PPARGC1A: variants seen among roughly 807,000 people sequenced by gnomAD.
PPARGC1A encodes the protein peroxisome proliferator-activated receptor gamma coactivator 1-alpha.
Under a neutral mutation model 88.7 loss-of-function variants are expected in PPARGC1A, and 25 were observed. That is an observed-to-expected ratio of 0.28 (90% CI 0.21 to 0.39). The LOEUF (loss-of-function observed/expected upper bound fraction) is 0.39. Among genes scored for constraint, PPARGC1A ranks in the 10% least tolerant of loss-of-function variants. PPARGC1A has a pLI of 1.00. For missense variants in PPARGC1A, 880 were observed against 968.7 expected (o/e 0.91, Z 1.22); for synonymous variants, 363 against 355.6 (o/e 1.02, Z -0.24).
At chr4:24,149,930 G>C in the PPARGC1A span, among the ~76,000 whole-genome samples, 1 of 152,118 alleles carries the variant, frequency 6.6e-6, no homozygotes, top group African/African-American at 2.4e-5. Context: ...ATCTGGAATA[G>C]GATAAACAAC....
chr4:24,387,635 G>C, the PPARGC1A span, among the ~76,000 whole-genome samples: 1 of 151,810 alleles, frequency 6.6e-6, no homozygotes, highest in African/African-American at 2.4e-5. Flanking sequence ...TACACAGGAG[G>C]CTGAGGCAGG....
the PPARGC1A span, among the ~76,000 whole-genome samples, chr4:24,401,058 G>A: frequency 1.8e-4 from 21 of 117,358 alleles, no homozygotes; most frequent in African/African-American, 7.0e-4. Context: ...TCGCTCTGTC[G>A]CCCAGGTTGG....
the PPARGC1A span, among the ~76,000 whole-genome samples, chr4:24,451,401 G>A: frequency 6.6e-6 from 1 of 152,252 alleles, no homozygotes; most frequent in African/African-American, 2.4e-5. Flanking sequence ...GACCCTAATG[G>A]CACTTTCAAT....
the PPARGC1A span, among the ~76,000 whole-genome samples, chr4:24,362,482 G>T: frequency 2.0e-5 from 3 of 152,082 alleles, no homozygotes; most frequent in Non-Finnish European, 4.4e-5. Context: ...GCTTGGTTTG[G>T]TTTTTTCTAA....
the PPARGC1A span, among the ~76,000 whole-genome samples, chr4:24,261,513 G>A: frequency 6.6e-6 from 1 of 152,122 alleles, no homozygotes; most frequent in Admixed American, 6.5e-5. Context: ...CAGACTACCT[G>A]CTTTATTTCC....
At chr4:23,837,016 A>T in intron 2 of PPARGC1A, among the ~76,000 whole-genome samples, 1 of 152,044 alleles carries the variant, frequency 6.6e-6, no homozygotes, top group South Asian at 2.1e-4. Flanking sequence ...TATGTTAGTA[A>T]TTTTTTCTGG....
At chr4:24,125,678 T>C in the PPARGC1A span, among the ~76,000 whole-genome samples, 1 of 120,156 alleles carries the variant, frequency 8.3e-6, no homozygotes, top group East Asian at 2.1e-4. Flanking sequence ...GTAAAGTTGC[T>C]GAAAAGTTGT....
chr4:24,434,633 C>T, the PPARGC1A span, among the ~76,000 whole-genome samples: 1 of 152,184 alleles, frequency 6.6e-6, no homozygotes, highest in African/African-American at 2.4e-5. Context: ...GCAAAAGGCT[C>T]AGACAGAATA....
chr4:24,367,778 G>T, the PPARGC1A span, among the ~76,000 whole-genome samples: 2 of 152,152 alleles, frequency 1.3e-5, no homozygotes, highest in East Asian at 3.9e-4. Context: ...TAATAATAAG[G>T]CAAACCTGCC....
chr4:24,428,250 C>T, the PPARGC1A span, among the ~76,000 whole-genome samples: 12 of 152,354 alleles, frequency 7.9e-5, no homozygotes, highest in East Asian at 5.8e-4. Context: ...AGCGCCTCTC[C>T]TGGTGTCTAG....
the PPARGC1A span, among the ~76,000 whole-genome samples, chr4:24,405,546 G>A: frequency 6.6e-6 from 1 of 152,154 alleles, no homozygotes; most frequent in Non-Finnish European, 1.5e-5. Context: ...TCTTGGAGAG[G>A]ACATCAATCT....
chr4:24,128,576 G>A, the PPARGC1A span, among the ~76,000 whole-genome samples: 15 of 147,484 alleles, frequency 1.0e-4, no homozygotes, highest in Admixed American at 9.5e-4. Context: ...GTGTGTGTGT[G>A]TGTGCACGCG....
chr4:23,936,642 C>T, the PPARGC1A span, among the ~76,000 whole-genome samples: 1 of 152,018 alleles, frequency 6.6e-6, no homozygotes, highest in Non-Finnish European at 1.5e-5. Flanking sequence ...TAGGCCGAGG[C>T]GGGTGGATCA....
chr4:23,871,379 G>A (rs955667670), intron 2 of PPARGC1A, among the ~76,000 whole-genome samples: 5 of 152,186 alleles, frequency 3.3e-5, no homozygotes, highest in Non-Finnish European at 5.9e-5. Context: ...TCTGTTGCAC[G>A]CAGAGCCCTG....
the PPARGC1A span, among the ~76,000 whole-genome samples, chr4:24,119,569 G>A: frequency 2.0e-5 from 3 of 152,158 alleles, no homozygotes; most frequent in Non-Finnish European, 2.9e-5. Flanking sequence ...AAGAAAAGCT[G>A]AAGGCCTGCC....
At chr4:23,884,034 A>C (rs1716450956) in intron 2 of PPARGC1A, 1 of 152,192 alleles carries the variant, frequency 6.6e-6, no homozygotes, top group Non-Finnish European at 1.5e-5. Context: ...TATAAAAAAT[A>C]ATGTATTTCA....
chr4:23,836,225 C>T (rs938139958), intron 2 of PPARGC1A, among the ~76,000 whole-genome samples: 8 of 152,138 alleles, frequency 5.3e-5, no homozygotes, highest in African/African-American at 1.9e-4. Flanking sequence ...TACAGCTGCA[C>T]AAACTAAGCT....
chr4:24,335,533 T>C, the PPARGC1A span, among the ~76,000 whole-genome samples: 1 of 152,184 alleles, frequency 6.6e-6, no homozygotes, highest in African/African-American at 2.4e-5. Flanking sequence ...GTCAGCAAGG[T>C]ATTCCCATTT....
At chr4:24,039,639 C>CA in the PPARGC1A span, among the ~76,000 whole-genome samples, 1 of 152,050 alleles carries the variant, frequency 6.6e-6, no homozygotes, top group Non-Finnish European at 1.5e-5. Context: ...TGGAATTGGA[C>CA]AAAACTCAAC....
Sources: gnomAD v4.1 joint callset for allele counts (sites outside exome capture counted in the v4.1 genomes callset) on GRCh38, gnomAD v4.1.1 for gene constraint, MANE v1.5 for transcripts, NCBI Gene and HGNC (gene_info 2026-07-23, HGNC 2026-07-21) for gene names.